The following HDGFL3 variants were observed in gnomAD, a reference collection of about 807,000 sequenced individuals.
HDGFL3 encodes the protein HDGF like 3.
HDGFL3 carries 6 observed loss-of-function variants against 27.6 expected under a neutral mutation model. The observed-to-expected ratio is 0.22, with a 90% CI of 0.12 to 0.43. The LOEUF (loss-of-function observed/expected upper bound fraction) is 0.43. HDGFL3 is among the 20% of genes least tolerant of loss of function. The pLI, the probability that HDGFL3 is intolerant of heterozygous loss-of-function variation, is 1.00. For synonymous variants in HDGFL3, 88 were observed against 88.9 expected, an observed-to-expected ratio of 0.99 and a Z score of 0.05; for missense variants, 207 against 250.1, an observed-to-expected ratio of 0.83 and a Z score of 1.16.
At chr15:83,180,616 T>C (rs1352427051) in intron 1 of HDGFL3, among the ~76,000 whole-genome samples, 1 of 151,894 alleles carries the variant, frequency 6.6e-6, no homozygotes, top group African/African-American at 2.4e-5. Context: ...AAGAGTCTGT[T>C]TGGTTTAATA....
At chr15:83,205,143 A>G (rs62010254) in intron 1 of HDGFL3, among the ~76,000 whole-genome samples, 30,815 of 152,096 alleles carry the variant, frequency 0.2, 3,263 homozygotes, top group Admixed American at 0.22. Context: ...TTAGCATTTT[A>G]TAACATTATC....
intron 5 of HDGFL3, among the ~76,000 whole-genome samples, chr15:83,147,061 C>T (rs1418114127): frequency 6.6e-6 from 1 of 151,800 alleles, no homozygotes; most frequent in African/African-American, 2.4e-5. Flanking sequence ...AGATCTTATA[C>T]CTTCTTTCTT....
At chr15:83,143,643 C>T (rs896747170) in intron 5 of HDGFL3, among the ~76,000 whole-genome samples, 1 of 152,062 alleles carries the variant, frequency 6.6e-6, no homozygotes, top group Non-Finnish European at 1.5e-5. Context: ...TGAGAGTAAA[C>T]GGTGAGAGGT....
intron 2 of HDGFL3, among the ~76,000 whole-genome samples, chr15:83,161,310 C>T (rs889901809): frequency 1.3e-5 from 2 of 152,206 alleles, no homozygotes; most frequent in African/African-American, 2.4e-5. Flanking sequence ...GCTAGGACTA[C>T]AGCCACCATG....
chr15:83,121,110 A>G (rs2151359891), intron 3 of HDGFL3, among the ~76,000 whole-genome samples: 1 of 151,756 alleles, frequency 6.6e-6, no homozygotes, highest in East Asian at 1.9e-4. Context: ...TCGCTCTGTC[A>G]CCCAGGCTGG....
chr15:83,135,943 A>G lies in HDGFL3; in HGVS notation c.*3327T>C, dbSNP rs1469040466. The G allele has an allele frequency of 1.3e-5, 2 of 152,234 alleles. No individual in the cohort carries two copies. The highest frequency in any genetic ancestry group is 2.9e-5 in the Non-Finnish European group (2 of 68,060). 9.4% of individuals were successfully genotyped at this position (152,234 alleles called of 1,614,324 possible). A position where few individuals can be genotyped will look rare whatever the true frequency, so the allele number is the denominator to read the frequency against. ...AACAAAAAACACATAGGGAAAGGGT[A>G]TGAGCTCTTGCTGCAAGGAGTAGAT... On this transcript the variant is annotated 3_prime_UTR_variant, in exon 6 of 6. Transcript: ENST00000299633.
chr15:83,169,183 C>T, intron 1 of HDGFL3: 1 of 439,526 alleles, frequency 2.3e-6, no homozygotes, highest in Non-Finnish European at 4.6e-6. Flanking sequence ...AAACTGGAAG[C>T]ATGCCCCTCG....
intron 1 of HDGFL3, among the ~76,000 whole-genome samples, chr15:83,202,807 C>T (rs1310184679): frequency 6.6e-6 from 1 of 152,100 alleles, no homozygotes; most frequent in Non-Finnish European, 1.5e-5. Flanking sequence ...TTTCTACCCA[C>T]TACAAACCAG....
chr15:83,192,885 C>A (rs999590412), intron 1 of HDGFL3, among the ~76,000 whole-genome samples: 20 of 152,188 alleles, frequency 1.3e-4, no homozygotes, highest in African/African-American at 4.6e-4. Flanking sequence ...TCAATTCTAA[C>A]CAATTGCCTC....
Position 83,207,222 on chromosome 15 carries a change from G to T in HDGFL3, c.84+109C>A. 2.7e-6 allele frequency: 2 copies of T among 749,854 alleles called. No individual in the cohort carries two copies. The highest frequency in any genetic ancestry group is 4.8e-5 in the South Asian group (1 of 20,948). The allele number at this position is 749,854 out of a possible 1,614,324, so 46.5% of individuals were successfully genotyped here. On this transcript the variant is annotated intron_variant, in intron 1 of 5. Transcript: ENST00000299633. The surrounding 1 kb of genome is among the most constrained non-coding windows in gnomAD (Gnocchi z 4.8). ...CCGCCCTCAGCCCTCACCACAGCCG[G>T]CCGCGAGCTGCGGGCTCGGGGCTGA...
Position 83,157,444 on chromosome 15 carries a change from A to G in HDGFL3, c.430T>C (p.Ser144Pro). Reference protein sequence around the residue: ...KGKRKNEKAGSKRKKSYTSKK... With the variant: ...KGKRKNEKAGPKRKKSYTSKK... ...GAAGTATATGACTTTTTCCGTTTTGAGCCTGCTTTTTCATTCTTTCTTTTG... is the reference window on the plus strand; with the variant it reads ...GAAGTATATGACTTTTTCCGTTTTGGGCCTGCTTTTTCATTCTTTCTTTTG... The change falls in exon 4 of 6, where the codon TCA (serine) becomes CCA (proline). Residue 144 changes from serine to proline, a missense_variant. By Grantham distance (74) the Ser-to-Pro change is moderately conservative (BLOSUM62 -1). Transcript: ENST00000299633. 5.6e-6 allele frequency: 9 copies of G among 1,613,576 alleles called. No homozygotes were observed. The highest frequency in any genetic ancestry group is 1.1e-5 in the South Asian group (1 of 91,068).
chr15:83,189,025 A>C (rs2037479300), intron 1 of HDGFL3, among the ~76,000 whole-genome samples: 1 of 152,076 alleles, frequency 6.6e-6, no homozygotes, highest in Non-Finnish European at 1.5e-5. Flanking sequence ...CCTCACAGAC[A>C]TATCTCATTC....
intron 3 of HDGFL3, among the ~76,000 whole-genome samples, chr15:83,116,889 C>T (rs769838961): frequency 3.3e-5 from 5 of 152,176 alleles, no homozygotes; most frequent in South Asian, 2.1e-4. Context: ...GCTGTTTTTA[C>T]ACCAGAGAGG....
rs1445468337 is a variant in HDGFL3 at position 83,154,535 on chromosome 15, G to A, written c.459+2880C>T. ...CTTCTGAAATAGAAATTCTGGGGAT[G>A]GGGTTCAACAATGTTTCTATTTTAC... On this transcript the variant is annotated intron_variant, in intron 4 of 5. Transcript: ENST00000299633. 2.6e-5 allele frequency among the ~76,000 whole-genome samples: 4 copies of A among 152,114 alleles called. No individual in the cohort carries two copies. The South Asian group carries it at 8.3e-4, about 31-fold the overall frequency.
At position 83,136,827 on chromosome 15, in the gene HDGFL3, A is replaced by G; in HGVS notation, c.*2443T>C. 1 of 511,554 alleles carries G rather than the reference A, an allele frequency of 2.0e-6. No homozygotes were observed. 31.7% of individuals were successfully genotyped at this position (511,554 alleles called of 1,614,324 possible). On this transcript the variant is annotated 3_prime_UTR_variant, in exon 6 of 6. Transcript: ENST00000299633. ...ATGTGTGAGCTATATGGTATTGTGT[A>G]AATTTTTTTTGAAGGAAAATGGAAA...
At chr15:83,122,030 TTTCCTTTTCTAAAACAATGGGGCTTG>T in intron 3 of HDGFL3, 1 of 1,553,882 alleles carries the variant, frequency 6.4e-7, no homozygotes, top group Non-Finnish European at 8.8e-7. Context: ...TAAAGTTCAC[TTTCCTTTTCTAAAACAATGGGGCTTG>T]TTTTTAAATA....
At position 83,207,476 on chromosome 15, in the gene HDGFL3, C is replaced by A. The variant is rs1022134764; in HGVS notation, c.-62G>T. The A allele has an allele frequency of 1.7e-6, 2 of 1,210,408 alleles. No individual in the cohort carries two copies. Among genetic ancestry groups the A allele is most frequent in the African/African-American group, 1.6e-5 (1 of 63,474 alleles). The allele number at this position is 1,210,408 out of a possible 1,614,324, so 75.0% of individuals were successfully genotyped here. A position where few individuals can be genotyped will look rare whatever the true frequency, so the allele number is the denominator to read the frequency against. ...GCGAAGATGCCGGGAGGCCGCCCCCCCGCGGGCCGACGAATTGCGCCGCGC... is the reference window on the plus strand; with the variant it reads ...GCGAAGATGCCGGGAGGCCGCCCCCACGCGGGCCGACGAATTGCGCCGCGC... On this transcript the variant is annotated 5_prime_UTR_variant, in exon 1 of 6. Coordinates refer to ENST00000299633, the MANE Select transcript of HDGFL3 (RefSeq NM_016073.4). This position sits in a 1 kb window ranked among gnomAD's most constrained non-coding sequence, Gnocchi z 4.8.
chr15:83,207,251 G>A lies in HDGFL3; in HGVS notation c.84+80C>T. 2.0e-6 allele frequency: 2 copies of A among 1,016,984 alleles called. No individual in the cohort carries two copies. Among genetic ancestry groups the A allele is most frequent in the South Asian group, 2.9e-5 (1 of 35,054 alleles). The allele number at this position is 1,016,984 out of a possible 1,614,324, so 63.0% of individuals were successfully genotyped here. A position where few individuals can be genotyped will look rare whatever the true frequency, so the allele number is the denominator to read the frequency against. On this transcript the variant is annotated intron_variant, in intron 1 of 5. Transcript: ENST00000299633. This position sits in a 1 kb window ranked among gnomAD's most constrained non-coding sequence, Gnocchi z 4.8. Reference sequence around the variant, plus strand: ...CGAGCTGCGGGCTCGGGGCTGAGGCGATGGGGAAAGGGGGCGGGCGCGCCA... The same window carrying A: ...CGAGCTGCGGGCTCGGGGCTGAGGCAATGGGGAAAGGGGGCGGGCGCGCCA...
chr15:83,150,458 T>A (rs961242578), intron 5 of HDGFL3, among the ~76,000 whole-genome samples: 4 of 152,096 alleles, frequency 2.6e-5, no homozygotes, highest in African/African-American at 7.2e-5. Context: ...CATAATACTT[T>A]GGGAGTAATT....
Sources: allele counts gnomAD v4.1 joint callset (sites outside exome capture counted in the v4.1 genomes callset), GRCh38; gene constraint gnomAD v4.1.1; non-coding constraint Gnocchi (gnomAD v3.1); transcripts MANE v1.5; gene names NCBI Gene and HGNC (gene_info 2026-07-23, HGNC 2026-07-21).